GALNT13: variants seen among roughly 807,000 people sequenced by gnomAD.
GALNT13 encodes polypeptide N-acetylgalactosaminyltransferase 13.
In GALNT13, 28 loss-of-function variants were observed where a neutral mutation model predicts 64.2. That is an observed-to-expected ratio of 0.44 (90% CI 0.32 to 0.60). The LOEUF (loss-of-function observed/expected upper bound fraction) is 0.60. Ranked by LOEUF, GALNT13 falls within the 20% of genes least tolerant of loss-of-function variation. The pLI is 0.05. For synonymous variants in GALNT13, 214 were observed against 224.6 expected (o/e 0.95, Z 0.42); for missense variants, 577 against 669.8 (o/e 0.86, Z 1.53).
At chr2:153,850,098 A>G in the GALNT13 span, among the ~76,000 whole-genome samples, 1 of 151,372 alleles carries the variant, frequency 6.6e-6, no homozygotes, top group Admixed American at 6.6e-5. Flanking sequence ...AGAGTGGCAT[A>G]AACCCAGGAG....
At chr2:154,330,336 G>A (rs1695100149) in intron 9 of GALNT13, among the ~76,000 whole-genome samples, 1 of 152,070 alleles carries the variant, frequency 6.6e-6, no homozygotes, top group African/African-American at 2.4e-5. Flanking sequence ...TGAATGTTTG[G>A]GAACTGAGAC....
Position 153,986,198 on chromosome 2 carries a change from A to G in GALNT13, c.142+41559A>G, listed in dbSNP as rs72866849. 4.8e-3 allele frequency among the ~76,000 whole-genome samples: 723 copies of G among 152,156 alleles called. 2 individuals are homozygous for G. Among genetic ancestry groups the G allele is most frequent in the Middle Eastern group, 0.01 (3 of 294 alleles). On this transcript the variant is annotated intron_variant, in intron 3 of 12. Transcript: ENST00000392825. The stretch of plus-strand genomic sequence containing the variant: ...CTGGCTTCAAACCGTCAAATGGTAC[A>G]TGCATTAACATGGAGAAGGTTTATT...
intron 4 of GALNT13, among the ~76,000 whole-genome samples, chr2:154,153,329 T>C (rs1684177860): frequency 6.6e-6 from 1 of 152,148 alleles, no homozygotes; most frequent in African/African-American, 2.4e-5. Context: ...GAGGTGTCAG[T>C]CTGCCCCTAC....
the GALNT13 span, among the ~76,000 whole-genome samples, chr2:153,407,895 G>A: frequency 2.6e-5 from 4 of 152,100 alleles, no homozygotes; most frequent in African/African-American, 4.8e-5. Context: ...TTTAAAGTGG[G>A]GTCTTGCTGT....
intron 3 of GALNT13, among the ~76,000 whole-genome samples, chr2:154,104,692 G>A (rs368655113): frequency 2.0e-5 from 3 of 152,202 alleles, no homozygotes; most frequent in African/African-American, 7.2e-5. Context: ...CCATACACTA[G>A]ATCTCCAGGT....
At chr2:153,893,375 A>G (rs965517728) in intron 1 of GALNT13, among the ~76,000 whole-genome samples, 1 of 151,968 alleles carries the variant, frequency 6.6e-6, no homozygotes, top group Non-Finnish European at 1.5e-5. Context: ...GCTTTTGTTC[A>G]CTTTCAGCTT....
chr2:153,238,429 C>T, the GALNT13 span, among the ~76,000 whole-genome samples: 1 of 151,934 alleles, frequency 6.6e-6, no homozygotes, highest in South Asian at 2.1e-4. Flanking sequence ...TGGACAGTTT[C>T]CCCAGTGTTT....
chr2:153,331,655 T>G, the GALNT13 span, among the ~76,000 whole-genome samples: 1 of 151,962 alleles, frequency 6.6e-6, no homozygotes, highest in African/African-American at 2.4e-5. Context: ...TTATATTTGC[T>G]GGCAGCTGAT....
chr2:154,364,735 G>A (rs1223675977), intron 9 of GALNT13, among the ~76,000 whole-genome samples: 2 of 152,006 alleles, frequency 1.3e-5, no homozygotes, highest in African/African-American at 2.4e-5. Flanking sequence ...GCGATGGCGC[G>A]ATCTTGGCTC....
At chr2:154,418,006 C>T (rs574246480) in intron 11 of GALNT13, among the ~76,000 whole-genome samples, 4 of 151,798 alleles carry the variant, frequency 2.6e-5, no homozygotes, top group Non-Finnish European at 4.4e-5. Flanking sequence ...TGTTGTCATT[C>T]AATTATGTAT....
At chr2:153,080,535 T>C in the GALNT13 span, among the ~76,000 whole-genome samples, 1 of 152,150 alleles carries the variant, frequency 6.6e-6, no homozygotes, top group African/African-American at 2.4e-5. Flanking sequence ...TGATCTACCA[T>C]TTCTTGTGAC....
At chr2:154,276,092 A>C (rs1691636214) in intron 8 of GALNT13, among the ~76,000 whole-genome samples, 1 of 152,152 alleles carries the variant, frequency 6.6e-6, no homozygotes, top group South Asian at 2.1e-4. Flanking sequence ...GGAGGTAACT[A>C]ACTTGCTTTT....
At chr2:154,377,347 T>A (rs1020117186) in intron 9 of GALNT13, among the ~76,000 whole-genome samples, 6 of 152,094 alleles carry the variant, frequency 3.9e-5, no homozygotes, top group African/African-American at 1.4e-4. Flanking sequence ...ACAATGGAAA[T>A]GTTTATTTCA....
intron 1 of GALNT13, among the ~76,000 whole-genome samples, chr2:153,881,994 A>C (rs1451105456): frequency 6.6e-6 from 1 of 152,132 alleles, no homozygotes; most frequent in Admixed American, 6.6e-5. Context: ...GACTTTTTAA[A>C]GTATAGCTTC....
chr2:153,224,263 T>C, the GALNT13 span, among the ~76,000 whole-genome samples: 168 of 150,368 alleles, frequency 1.1e-3, no homozygotes, highest in Non-Finnish European at 7.5e-4. Context: ...AGCTAAACAT[T>C]GAGGACACAA....
Position 154,307,169 on chromosome 2 carries a change from A to G in GALNT13, c.1156+5580A>G, listed in dbSNP as rs76427495. 1.6e-4 allele frequency among the ~76,000 whole-genome samples: 25 copies of G among 152,214 alleles called. No individual in the cohort carries two copies. The East Asian group carries it at 4.6e-3, about 28-fold the overall frequency. On this transcript the variant is annotated intron_variant, in intron 9 of 12. Coordinates refer to ENST00000392825, the MANE Select transcript of GALNT13 (RefSeq NM_052917.4). ...CTCTGAGTTTTCCATAGGAAAAGAA[A>G]ATTCCTTTGGTTTACATATGTGCTT...
At chr2:153,315,160 TAAG>T in the GALNT13 span, among the ~76,000 whole-genome samples, 1 of 152,226 alleles carries the variant, frequency 6.6e-6, no homozygotes, top group Non-Finnish European at 1.5e-5. Flanking sequence ...ATCAGTTTAT[TAAG>T]AAGACACAAC....
At chr2:153,788,801 C>T in the GALNT13 span, among the ~76,000 whole-genome samples, 1 of 152,062 alleles carries the variant, frequency 6.6e-6, no homozygotes, top group South Asian at 2.1e-4. Flanking sequence ...GGTTGCAATC[C>T]TAACTTCAGA....
chr2:154,095,208 C>A (rs183565062), intron 3 of GALNT13, among the ~76,000 whole-genome samples: 1 of 151,978 alleles, frequency 6.6e-6, no homozygotes, highest in African/African-American at 2.4e-5. Context: ...CACATAGCTT[C>A]TGCATAATTC....
Sources: allele counts gnomAD v4.1 joint callset (sites outside exome capture counted in the v4.1 genomes callset), GRCh38; gene constraint gnomAD v4.1.1; transcripts MANE v1.5; gene names NCBI Gene and HGNC (gene_info 2026-07-23, HGNC 2026-07-21).